ZNF407: variants seen among roughly 807,000 people sequenced by gnomAD.
ZNF407 encodes the protein zinc finger protein 407.
ZNF407 carries 17 observed loss-of-function variants against 131.2 expected under a neutral mutation model. The ratio of observed to expected loss-of-function variants is 0.13; its 90% CI spans 0.09 to 0.19. The LOEUF (loss-of-function observed/expected upper bound fraction) is 0.19, where lower values mean the gene tolerates loss of function less well. Among genes scored for constraint, ZNF407 ranks in the 10% least tolerant of loss-of-function variants. The probability of loss-of-function intolerance (pLI) is 1.00; values close to 1 mark genes in which losing one functional copy is unlikely to be tolerated. For synonymous variants in ZNF407, 1,156 were observed against 1,062.0 expected, an observed-to-expected ratio of 1.09 and a Z score of -1.72; for missense variants, 2,681 against 2,830.6, an observed-to-expected ratio of 0.95 and a Z score of 1.20.
At chr18:74,897,774 ACT>A (rs1299470597) in intron 7 of ZNF407, among the ~76,000 whole-genome samples, 1 of 152,074 alleles carries the variant, frequency 6.6e-6, no homozygotes, top group African/African-American at 2.4e-5. Context: ...TATTAGGAAA[ACT>A]CTCTAATCTC....
chr18:74,689,008 TG>T (rs1372466417), intron 3 of ZNF407, among the ~76,000 whole-genome samples: 1 of 152,048 alleles, frequency 6.6e-6, no homozygotes, highest in Non-Finnish European at 1.5e-5. Flanking sequence ...TTTCTATTTT[TG>T]TAGAGATGGG....
At chr18:74,737,452 A>G (rs77254545) in intron 3 of ZNF407, among the ~76,000 whole-genome samples, 3,705 of 152,332 alleles carry the variant, frequency 0.024, 130 homozygotes, top group African/African-American at 0.084. Flanking sequence ...TTATATGTAC[A>G]TATGTATTAA....
chr18:75,016,592 TTA>T (rs1205546438), intron 8 of ZNF407, among the ~76,000 whole-genome samples: 1 of 152,136 alleles, frequency 6.6e-6, no homozygotes, highest in Admixed American at 6.6e-5. Context: ...GTAAAAGTTC[TTA>T]TGTTCCAACC....
chr18:74,826,327 C>T (rs898531873), intron 4 of ZNF407, among the ~76,000 whole-genome samples: 11 of 152,140 alleles, frequency 7.2e-5, no homozygotes, highest in Admixed American at 5.9e-4. Flanking sequence ...CTGTTTCCTG[C>T]ACACTTTCTC....
chr18:74,885,879 G>A (rs772514604), intron 6 of ZNF407, among the ~76,000 whole-genome samples: 5 of 152,108 alleles, frequency 3.3e-5, no homozygotes, highest in Non-Finnish European at 4.4e-5. Context: ...AAACATAGGT[G>A]AAAATTATTT....
intron 8 of ZNF407, among the ~76,000 whole-genome samples, chr18:74,982,966 T>G (rs1007438527): frequency 3.3e-5 from 5 of 152,154 alleles, no homozygotes; most frequent in Non-Finnish European, 7.3e-5. Flanking sequence ...AAAAAAAATT[T>G]TTTTCCTTTT....
intron 1 of ZNF407, among the ~76,000 whole-genome samples, chr18:74,618,338 T>C (rs1464105849): frequency 3.3e-5 from 5 of 152,178 alleles, no homozygotes; most frequent in African/African-American, 1.2e-4. Context: ...ATGCCGGGTG[T>C]GCTCCTTGTT....
At chr18:74,917,359 C>T (rs1250836388) in intron 7 of ZNF407, among the ~76,000 whole-genome samples, 1 of 152,042 alleles carries the variant, frequency 6.6e-6, no homozygotes, top group Non-Finnish European at 1.5e-5. Flanking sequence ...AACATAAAAA[C>T]ACGGTGTGTA....
chr18:74,807,656 G>T (rs72975413), intron 4 of ZNF407, among the ~76,000 whole-genome samples: 24,920 of 152,126 alleles, frequency 0.16, 2,356 homozygotes, highest in Non-Finnish European at 0.22. Context: ...CCAATAGAAT[G>T]TTAACACCAT....
Position 75,064,302 on chromosome 18 carries a change from C to T in ZNF407, c.6581C>T (p.Ala2194Val), listed in dbSNP as rs749970034. ...TACTCCCACACCGTGCTGGAGACTG[C>T]GGACTCGCAGGAACTCCTGCAGGCC... ...GLYSHTVLET[A>V]DSQELLQAGA... Residue 2194 changes from alanine to valine, a missense_variant, in exon 9 of 9, where the codon GCG becomes GTG. Ala to Val is a moderately conservative substitution (Grantham distance 64). Coordinates refer to ENST00000299687, the MANE Select transcript of ZNF407 (RefSeq NM_017757.3). The T allele has an allele frequency of 7.2e-5, 115 of 1,600,904 alleles. 2 individuals are homozygous for T. The highest frequency in any genetic ancestry group is 9.1e-5 in the Non-Finnish European group (107 of 1,174,714).
At chr18:74,867,013 A>G (rs1328301020) in intron 4 of ZNF407, among the ~76,000 whole-genome samples, 1 of 149,692 alleles carries the variant, frequency 6.7e-6, no homozygotes, top group Admixed American at 6.7e-5. Flanking sequence ...AAAAAAAGGA[A>G]GAAATTTAAT....
intron 3 of ZNF407, among the ~76,000 whole-genome samples, chr18:74,780,394 G>C (rs1224851491): frequency 2.0e-5 from 3 of 152,122 alleles, no homozygotes; most frequent in Non-Finnish European, 4.4e-5. Flanking sequence ...GCTCATTTGT[G>C]CAAACATGTC....
At chr18:74,783,249 G>A (rs1035170564) in intron 4 of ZNF407, among the ~76,000 whole-genome samples, 11 of 152,072 alleles carry the variant, frequency 7.2e-5, no homozygotes, top group Non-Finnish European at 1.6e-4. Context: ...AATAAATGAT[G>A]GAACTGTTAC....
In ZNF407 at chr18:74,954,088, C is replaced by A. The variant is rs182982989; in HGVS notation, c.5428+33396C>A. Among the ~76,000 whole-genome samples the A allele has an allele frequency of 3.3e-5, 5 of 152,280 alleles. No homozygotes were observed. In the East Asian group the frequency reaches 9.6e-4, roughly 29 times the overall value. ...CCTCAATTGACTTAATTTCTATTGA[C>A]TTTTCCAATATTAATATGTTCAATA... is the stretch of plus-strand genomic sequence containing the variant. On this transcript the variant is annotated intron_variant, in intron 8 of 8. Transcript: ENST00000299687.
At chr18:74,830,165 C>T (rs958108761) in intron 4 of ZNF407, among the ~76,000 whole-genome samples, 3 of 152,208 alleles carry the variant, frequency 2.0e-5, no homozygotes, top group African/African-American at 7.2e-5. Flanking sequence ...GACTTCCAGC[C>T]TTCAGAACTG....
At position 75,063,837 on chromosome 18, in the gene ZNF407, A is replaced by C; in HGVS notation, c.6116A>C (p.Glu2039Ala). 10 of 1,608,190 alleles carry C rather than the reference A, an allele frequency of 6.2e-6. No homozygotes were observed. Among genetic ancestry groups the C allele is most frequent in the Non-Finnish European group, 8.5e-6 (10 of 1,178,878 alleles). The change falls in exon 9 of 9, where the codon GAG (glutamate) becomes GCG (alanine). Residue 2039 changes from glutamate (E) to alanine (A), a missense_variant. By Grantham distance (107) the Glu-to-Ala change is moderately radical (BLOSUM62 -1). Coordinates refer to ENST00000299687, the MANE Select transcript of ZNF407 (RefSeq NM_017757.3). This position sits in a 1 kb window ranked among gnomAD's most constrained non-coding sequence, Gnocchi z 6.6. ...GTGGCTGCCGACCCCGAGGCCCCCG[A>C]GATCCAGATGTTCCCACAGGCCCAG... The part of the protein sequence containing the change: ...SHVAADPEAP[E>A]IQMFPQAQES...
chr18:75,038,701 A>C (rs1357032971), intron 8 of ZNF407, among the ~76,000 whole-genome samples: 3 of 152,236 alleles, frequency 2.0e-5, no homozygotes, highest in Non-Finnish European at 4.4e-5. Context: ...TTAACAATGG[A>C]GAAGTGCCTT....
intron 3 of ZNF407, among the ~76,000 whole-genome samples, chr18:74,738,027 A>G (rs1029346914): frequency 7.9e-5 from 12 of 152,186 alleles, no homozygotes; most frequent in Non-Finnish European, 1.5e-4. Flanking sequence ...AGAGTACAAT[A>G]TAAAAAGAAA....
chr18:74,787,408 C>G (rs183382137), intron 4 of ZNF407, among the ~76,000 whole-genome samples: 9 of 152,242 alleles, frequency 5.9e-5, no homozygotes, highest in Non-Finnish European at 2.9e-5. Context: ...TTATTACTAA[C>G]AATAATATTT....
Sources: allele counts gnomAD v4.1 joint callset (sites outside exome capture counted in the v4.1 genomes callset), GRCh38; gene constraint gnomAD v4.1.1; non-coding constraint Gnocchi (gnomAD v3.1); transcripts MANE v1.5; gene names NCBI Gene and HGNC (gene_info 2026-07-23, HGNC 2026-07-21).